The following EFCAB11 variants were observed in gnomAD, a reference collection of about 807,000 sequenced individuals.
EFCAB11 encodes the protein EF-hand calcium-binding domain-containing protein 11.
Under a neutral mutation model 23.0 loss-of-function variants are expected in EFCAB11, and 14 were observed. That is an observed-to-expected ratio of 0.61 (90% CI 0.40 to 0.95). EFCAB11 has a LOEUF of 0.95. Among genes scored for constraint, EFCAB11 ranks in the 40% least tolerant of loss-of-function variants. The probability of loss-of-function intolerance (pLI) is 0.00; values close to 1 mark genes in which losing one functional copy is unlikely to be tolerated. For missense variants in EFCAB11, 198 were observed against 195.8 expected, an observed-to-expected ratio of 1.01 and a Z score of -0.07; for synonymous variants, 65 against 66.6, an observed-to-expected ratio of 0.98 and a Z score of 0.11.
intron 5 of EFCAB11, among the ~76,000 whole-genome samples, chr14:89,908,887 G>C (rs965369926): frequency 6.6e-6 from 1 of 152,150 alleles, no homozygotes; most frequent in Non-Finnish European, 1.5e-5. Flanking sequence ...GAATTTCAGG[G>C]GTCAAAGGAG....
intron 5 of EFCAB11, chr14:89,923,375 C>T (rs969611560): frequency 1.3e-5 from 2 of 152,270 alleles, no homozygotes; most frequent in African/African-American, 4.8e-5. Context: ...AAAGCTTACA[C>T]ACATTCATAC....
chr14:89,809,885 A>G (rs1045150073), intron 5 of EFCAB11, among the ~76,000 whole-genome samples: 2 of 152,214 alleles, frequency 1.3e-5, no homozygotes, highest in African/African-American at 4.8e-5. Flanking sequence ...AATCTCCTTC[A>G]AGGCCTAAAG....
At chr14:89,906,157 A>G (rs1015535129) in intron 5 of EFCAB11, among the ~76,000 whole-genome samples, 5 of 150,502 alleles carry the variant, frequency 3.3e-5, no homozygotes, top group African/African-American at 4.9e-5. Flanking sequence ...AATGCCTGGC[A>G]CTCATTAGAG....
At chr14:89,882,506 A>C (rs573031473) in intron 5 of EFCAB11, among the ~76,000 whole-genome samples, 112 of 152,338 alleles carry the variant, frequency 7.4e-4, no homozygotes, top group Non-Finnish European at 1.3e-3. Context: ...TGAAAAACCT[A>C]CAGCAAGTTT....
intron 5 of EFCAB11, among the ~76,000 whole-genome samples, chr14:89,809,703 C>T (rs1469030070): frequency 2.6e-5 from 4 of 152,118 alleles, no homozygotes; most frequent in African/African-American, 7.2e-5. Context: ...GGAGACAACT[C>T]GGCATTTTTA....
At chr14:89,865,984 C>G (rs1365371004) in intron 5 of EFCAB11, among the ~76,000 whole-genome samples, 1 of 151,672 alleles carries the variant, frequency 6.6e-6, no homozygotes, top group Non-Finnish European at 1.5e-5. Context: ...AGGGTTTTGC[C>G]ATGTTGCCCA....
chr14:89,837,876 T>C (rs1182450385), intron 5 of EFCAB11, among the ~76,000 whole-genome samples: 1 of 152,216 alleles, frequency 6.6e-6, no homozygotes, highest in Admixed American at 6.5e-5. Context: ...ATCAGTTTCT[T>C]TTTTTTCAGT....
At chr14:89,843,046 T>C (rs1220724080) in intron 5 of EFCAB11, among the ~76,000 whole-genome samples, 1 of 152,150 alleles carries the variant, frequency 6.6e-6, no homozygotes, top group Non-Finnish European at 1.5e-5. Context: ...TATTTAGCTG[T>C]AGATGACTTA....
At chr14:89,936,009 A>G (rs1339256914) in intron 3 of EFCAB11, among the ~76,000 whole-genome samples, 1 of 152,070 alleles carries the variant, frequency 6.6e-6, no homozygotes, top group East Asian at 1.9e-4. Flanking sequence ...CTCTGTCTCA[A>G]AAAAAGAAAA....
At chr14:89,846,967 A>G (rs1405507428) in intron 5 of EFCAB11, among the ~76,000 whole-genome samples, 1 of 152,046 alleles carries the variant, frequency 6.6e-6, no homozygotes, top group Non-Finnish European at 1.5e-5. Context: ...CACTTCTACT[A>G]TTTCTGCCCG....
In EFCAB11 at chr14:89,885,398, A is replaced by G. The variant is rs542210909; in HGVS notation, c.410+46143T>C. ...TATAAATTCAATTAAAAACCCAGCC[A>G]GCGGGCGTGGTGGCTCAAGCCTGTA... On this transcript the variant is annotated intron_variant, in intron 5 of 5. Coordinates refer to ENST00000316738, the MANE Select transcript of EFCAB11 (RefSeq NM_145231.4). Among the ~76,000 whole-genome samples, 4 of 152,270 alleles carry G rather than the reference A, an allele frequency of 2.6e-5. No individual in the cohort carries two copies. The South Asian group carries it at 8.3e-4, about 32-fold the overall frequency.
intron 5 of EFCAB11, among the ~76,000 whole-genome samples, chr14:89,869,206 A>C (rs1378484432): frequency 6.6e-6 from 1 of 152,208 alleles, no homozygotes; most frequent in Non-Finnish European, 1.5e-5. Context: ...GTCTCAAAAA[A>C]GAAAAACAAA....
chr14:89,927,527 G>A (rs143461056), intron 5 of EFCAB11, among the ~76,000 whole-genome samples: 15 of 152,260 alleles, frequency 9.9e-5, no homozygotes, highest in Non-Finnish European at 1.5e-4. Flanking sequence ...AAAAGTGAAC[G>A]TCTAACCTTG....
chr14:89,900,658 C>T (rs1363938674), intron 5 of EFCAB11, among the ~76,000 whole-genome samples: 2 of 152,148 alleles, frequency 1.3e-5, no homozygotes, highest in African/African-American at 4.8e-5. Context: ...GTACTGACTT[C>T]TACAATTTTA....
At chr14:89,954,743 C>A (rs1005300742), upstream of EFCAB11, 7 of 1,537,984 alleles carry the variant, frequency 4.6e-6, no homozygotes, top group African/African-American at 8.2e-5. Context: ...CGCGGCCACG[C>A]CCACCGCGGC....
chr14:89,818,479 G>A (rs557262115), intron 5 of EFCAB11, among the ~76,000 whole-genome samples: 1 of 151,814 alleles, frequency 6.6e-6, no homozygotes, highest in East Asian at 1.9e-4. Flanking sequence ...GAGGAAGGGA[G>A]GGAAGAAGGA....
rs186660594 is a variant in EFCAB11 at position 89,885,863 on chromosome 14, G to A, written c.410+45678C>T. Among the ~76,000 whole-genome samples, 5 of 150,010 alleles carry A rather than the reference G, an allele frequency of 3.3e-5. No homozygotes were observed. In the East Asian group the frequency reaches 9.7e-4, roughly 29 times the overall value. On this transcript the variant is annotated intron_variant, in intron 5 of 5. Coordinates refer to ENST00000316738, the MANE Select transcript of EFCAB11 (RefSeq NM_145231.4). ...GAAGACAGCAACTTTTGGGTTTGAA[G>A]TTGGCTTCTTGTTTTTTTCTTTTTT...
chr14:89,926,958 T>A (rs1040598413), intron 5 of EFCAB11, among the ~76,000 whole-genome samples: 8 of 152,230 alleles, frequency 5.3e-5, no homozygotes, highest in African/African-American at 1.9e-4. Flanking sequence ...GTCAACGTTA[T>A]GAACCCTAAT....
At chr14:89,850,940 C>G (rs767911594) in intron 5 of EFCAB11, among the ~76,000 whole-genome samples, 1 of 152,176 alleles carries the variant, frequency 6.6e-6, no homozygotes, top group Non-Finnish European at 1.5e-5. Flanking sequence ...CACTCAGTAT[C>G]TTGCCTAGGA....
Sources: gnomAD v4.1 joint callset for allele counts (sites outside exome capture counted in the v4.1 genomes callset) on GRCh38, gnomAD v4.1.1 for gene constraint, MANE v1.5 for transcripts, NCBI Gene and HGNC (gene_info 2026-07-23, HGNC 2026-07-21) for gene names.